Variants in PLA2G12B observed in about 807,000 individuals in gnomAD.
PLA2G12B encodes phospholipase A2 group XIIB.
A neutral mutation model predicts 22.3 loss-of-function variants in PLA2G12B; 19 were observed. The observed-to-expected ratio is 0.85, with a 90% confidence interval of 0.60 to 1.25. The LOEUF is 1.25. Among genes scored for constraint, PLA2G12B ranks in the 50% most tolerant of loss-of-function variants. The pLI, the probability that PLA2G12B is intolerant of heterozygous loss-of-function variation, is 0.00. For missense variants in PLA2G12B, 191 were observed against 246.6 expected (o/e 0.77, Z 1.51); for synonymous variants, 81 against 94.9 (o/e 0.85, Z 0.85).
At chr10:72,945,525 C>T (rs1024364204) in intron 1 of PLA2G12B, among the ~76,000 whole-genome samples, 2 of 152,172 alleles carry the variant, frequency 1.3e-5, no homozygotes, top group Non-Finnish European at 2.9e-5. Context: ...CAGAATCGCC[C>T]AGCAAAGCCA....
intron 1 of PLA2G12B, among the ~76,000 whole-genome samples, chr10:72,950,641 G>A (rs142674616): frequency 4.9e-4 from 75 of 152,078 alleles, no homozygotes; most frequent in African/African-American, 1.6e-3. Flanking sequence ...CACCACGCCC[G>A]GCTAATTTTT....
chr10:72,938,411 G>A (rs935675956), intron 3 of PLA2G12B, among the ~76,000 whole-genome samples: 3 of 151,724 alleles, frequency 2.0e-5, no homozygotes, highest in Admixed American at 2.0e-4. Context: ...TATGCAGATG[G>A]CATTATCTTA....
At chr10:72,944,297 C>T (rs1006401687) in intron 1 of PLA2G12B, among the ~76,000 whole-genome samples, 1 of 152,084 alleles carries the variant, frequency 6.6e-6, no homozygotes, top group Non-Finnish European at 1.5e-5. Flanking sequence ...GGTTCAGGTG[C>T]AGTTGAAGCC....
chr10:72,951,802 C>A (rs543642299), intron 1 of PLA2G12B, among the ~76,000 whole-genome samples: 1 of 152,292 alleles, frequency 6.6e-6, no homozygotes, highest in Admixed American at 6.5e-5. Context: ...ATGCCATTGA[C>A]ACACGCTGGA....
At chr10:72,947,930 C>G (rs1846469026) in intron 1 of PLA2G12B, among the ~76,000 whole-genome samples, 1 of 152,158 alleles carries the variant, frequency 6.6e-6, no homozygotes, top group Non-Finnish European at 1.5e-5. Flanking sequence ...GCCCCACACT[C>G]AAGATAGCGT....
chr10:72,936,175 G>A (rs1252683536), intron 3 of PLA2G12B, among the ~76,000 whole-genome samples: 1 of 152,152 alleles, frequency 6.6e-6, no homozygotes, highest in Non-Finnish European at 1.5e-5. Context: ...GCATGGCTTG[G>A]ATATGTTGGT....
Position 72,935,507 on chromosome 10 carries a change from G to C in PLA2G12B, c.*110C>G, listed in dbSNP as rs781316404. ...AAATGTTCCCTTTCTCCTGCTTTGT[G>C]GTGTCCAAACTGTTGGAAGAACGAA... On this transcript the variant is annotated 3_prime_UTR_variant, in exon 4 of 4. Transcript: ENST00000373032. 1 of 1,457,796 alleles carries C rather than the reference G, an allele frequency of 6.9e-7. No individual in the cohort carries two copies. The highest frequency in any genetic ancestry group is 9.3e-7 in the Non-Finnish European group (1 of 1,074,210). 90.3% of individuals were successfully genotyped at this position (1,457,796 alleles called of 1,614,324 possible).
Position 72,935,701 on chromosome 10 carries a change from G to A in PLA2G12B, c.504C>T (p.Thr168=), listed in dbSNP as rs145419534. 15 of 1,613,910 alleles carry A rather than the reference G, an allele frequency of 9.3e-6. No individual in the cohort carries two copies. The highest frequency in any genetic ancestry group is 1.7e-5 in the Admixed American group (1 of 60,002). ...CDSLVDTVFN[T]VWTLGCRPFM... ...AGGGGCGGCAGCCCAAGGTCCACAC[G>A]GTGTTGAACACAGTGTCAACCAGGG... Residue 168 remains threonine (T), a synonymous_variant, in exon 4 of 4, where the codon ACC becomes ACT. Coordinates refer to ENST00000373032, the MANE Select transcript of PLA2G12B (RefSeq NM_032562.5).
intron 1 of PLA2G12B, among the ~76,000 whole-genome samples, chr10:72,949,086 G>A (rs1376152388): frequency 6.6e-6 from 1 of 152,200 alleles, no homozygotes; most frequent in Non-Finnish European, 1.5e-5. Context: ...CTAGGAGGGA[G>A]TGAGTATGCT....
At position 72,954,792 on chromosome 10, in the gene PLA2G12B, TTATC is replaced by T; in HGVS notation, c.-111_-108del. On this transcript the variant is annotated 5_prime_UTR_variant, in exon 1 of 4. An upstream open reading frame in the 5' UTR gains an earlier in-frame stop. Transcript: ENST00000373032. ...ATGTCAGGCAGGACTGGGAAAGGGATTATCTGGAACATTCAATCTGTCTGTTCCC... is the reference window on the plus strand; with the variant it reads ...ATGTCAGGCAGGACTGGGAAAGGGATTGGAACATTCAATCTGTCTGTTCCC... The T allele has an allele frequency of 8.7e-7, 1 of 1,149,978 alleles. No individual in the cohort carries two copies. Among genetic ancestry groups the T allele is most frequent in the South Asian group, 1.4e-5 (1 of 70,018 alleles). 71.2% of individuals were successfully genotyped at this position (1,149,978 alleles called of 1,614,324 possible).
At chr10:72,935,773 C>T (rs752701515) in intron 3 of PLA2G12B, 35 bp from the exon 4 acceptor site, 2 of 1,605,612 alleles carry the variant, frequency 1.2e-6, no homozygotes, top group Non-Finnish European at 8.5e-7. Context: ...AAAGGTTAAC[C>T]CTGAGTAATT....
intron 2 of PLA2G12B, among the ~76,000 whole-genome samples, 172 bp from the exon 3 acceptor site, chr10:72,941,506 G>A (rs190879385): frequency 1.3e-5 from 2 of 152,262 alleles, no homozygotes; most frequent in African/African-American, 4.8e-5. Flanking sequence ...ACAGTCACAG[G>A]ATTACAAGTG....
intron 1 of PLA2G12B, among the ~76,000 whole-genome samples, chr10:72,946,564 G>A (rs532310164): frequency 2.6e-5 from 4 of 152,294 alleles, no homozygotes; most frequent in East Asian, 1.9e-4. Context: ...GCAGCAATGC[G>A]TGAGGGTTCC....
At chr10:72,946,505 T>G (rs937024766) in intron 1 of PLA2G12B, among the ~76,000 whole-genome samples, 1 of 152,200 alleles carries the variant, frequency 6.6e-6, no homozygotes, top group African/African-American at 2.4e-5. Flanking sequence ...TGTTGAACAT[T>G]TTAAGGAATT....
intron 2 of PLA2G12B, 48 bp downstream of exon 2, chr10:72,942,602 GCT>G (rs1174932814): frequency 2.1e-6 from 3 of 1,403,368 alleles, no homozygotes; most frequent in Non-Finnish European, 2.9e-6. Context: ...CTCTAGGATT[GCT>G]CTCAGTCAAA....
At chr10:72,951,758 TG>T (rs1392216198) in intron 1 of PLA2G12B, among the ~76,000 whole-genome samples, 3 of 152,156 alleles carry the variant, frequency 2.0e-5, no homozygotes, top group Non-Finnish European at 2.9e-5. Context: ...CGCACCCAGC[TG>T]GTAGAGACTC....
Position 72,943,483 on chromosome 10 carries a change from G to T in PLA2G12B, c.212-743C>A, listed in dbSNP as rs543572317. On this transcript the variant is annotated intron_variant, in intron 1 of 3. Coordinates refer to ENST00000373032, the MANE Select transcript of PLA2G12B (RefSeq NM_032562.5). ...TTTAACTTGCAGGAAATTCAAGCAA[G>T]ATTCCATAAACGTAGACAGAGTATT... Among the ~76,000 whole-genome samples, 7 of 152,264 alleles carry T rather than the reference G, an allele frequency of 4.6e-5. 1 individual carries two copies. The South Asian group carries it at 1.2e-3, about 27-fold the overall frequency.
chr10:72,953,337 G>T (rs1055925175), intron 1 of PLA2G12B, among the ~76,000 whole-genome samples: 5 of 152,176 alleles, frequency 3.3e-5, no homozygotes, highest in Non-Finnish European at 7.4e-5. Context: ...ATAAGGAAGC[G>T]ATTTTCCCCA....
rs780316895 is a variant in PLA2G12B, at chr10:72,935,713, A to G, written c.492T>C (p.Thr164=). The G allele has an allele frequency of 1.1e-5, 17 of 1,613,928 alleles. No individual in the cohort carries two copies. In the South Asian group the frequency reaches 1.8e-4, roughly 17 times the overall value. The change falls in exon 4 of 4, where the codon ACT becomes ACC. Residue 164 remains threonine (T), a synonymous_variant. Coordinates refer to ENST00000373032, the MANE Select transcript of PLA2G12B (RefSeq NM_032562.5). ...CCAAGGTCCACACGGTGTTGAACAC[A>G]GTGTCAACCAGGGAATCACAGGCTG... The part of the protein sequence containing the change: ...VEAACDSLVD[T]VFNTVWTLGC...
Sources: allele counts gnomAD v4.1 joint callset (sites outside exome capture counted in the v4.1 genomes callset), GRCh38; gene constraint gnomAD v4.1.1; transcripts MANE v1.5; gene names NCBI Gene and HGNC (gene_info 2026-07-23, HGNC 2026-07-21).